Variants in ATAT1 observed in about 807,000 individuals in gnomAD.
The protein encoded by ATAT1 is alpha-tubulin N-acetyltransferase 1.
A neutral mutation model predicts 57.2 loss-of-function variants in ATAT1; 42 were observed. The observed-to-expected ratio is 0.73, with a 90% CI of 0.57 to 0.95. ATAT1 has a LOEUF of 0.95. Among genes scored for constraint, ATAT1 ranks in the 40% least tolerant of loss-of-function variants. ATAT1 has a pLI of 0.00. For missense variants in ATAT1, 454 were observed against 523.7 expected, an observed-to-expected ratio of 0.87 and a Z score of 1.30; for synonymous variants, 168 against 187.1, an observed-to-expected ratio of 0.90 and a Z score of 0.83.
Position 30,646,504 on chromosome 6 carries a change from G to A in ATAT1, c.1091G>A (p.Gly364Glu). 6 of 1,598,784 alleles carry A rather than the reference G, an allele frequency of 3.8e-6. No homozygotes were observed. The highest frequency in any genetic ancestry group is 5.1e-6 in the Non-Finnish European group (6 of 1,173,176). The change falls in exon 13 of 13, where the codon GGG becomes GAG. Residue 364 changes from glycine (G) to glutamate (E), a missense_variant. Physicochemically the swap from Gly to Glu is moderately conservative, Grantham distance 98 (BLOSUM62 -2). Coordinates refer to ENST00000330083, the MANE Select transcript of ATAT1 (RefSeq NM_001031722.4). Reference sequence around the variant, plus strand: ...GAGGAGCAGGCCTTGTCACAGGATGGGTCTGGGGAGAAGCCCATGCACACA... The same window carrying A: ...GAGGAGCAGGCCTTGTCACAGGATGAGTCTGGGGAGAAGCCCATGCACACA...
At chr6:30,637,268 C>A (rs1028769249) in intron 6 of ATAT1, among the ~76,000 whole-genome samples, 1 of 152,046 alleles carries the variant, frequency 6.6e-6, no homozygotes, top group African/African-American at 2.4e-5. Flanking sequence ...ATTATTAAAC[C>A]TATTTTGGGT....
chr6:30,632,235 C>G (rs1763046440), intron 6 of ATAT1, among the ~76,000 whole-genome samples: 1 of 146,912 alleles, frequency 6.8e-6, no homozygotes, highest in Admixed American at 6.9e-5. Context: ...TACCACTGCA[C>G]TCCTGCCTGG....
In ATAT1 at chr6:30,643,745, G is replaced by A. The variant is rs906286255; in HGVS notation, c.932+734G>A. The A allele has an allele frequency of 6.6e-6, 9 of 1,368,434 alleles. No homozygotes were observed. The African/African-American group carries it at 1.3e-4, about 20-fold the overall frequency. The allele number at this position is 1,368,434 out of a possible 1,614,324, so 84.8% of individuals were successfully genotyped here. On this transcript the variant is annotated intron_variant, in intron 10 of 12. Transcript: ENST00000330083. ...AGGGTCTCAAACTGCCTAACACTTT[G>A]TAGCTTTTCTTAACACAAAAGCACC... is the stretch of plus-strand genomic sequence containing the variant.
Position 30,642,833 on chromosome 6 carries a change from G to GGGCCCCCCCCCCCCCCCCCCCCCCCC in ATAT1, c.754_755insGGCCCCCCCCCCCCCCCCCCCCCCCC (p.Ala252GlyfsTer76). On this transcript the variant is annotated frameshift_variant, in exon 10 of 13. Transcript: ENST00000330083. LOFTEE classifies it high-confidence loss of function. ...GGCCCCTCGCCGCGCCACACCTCCA[G>GGGCCCCCCCCCCCCCCCCCCCCCCCC]CCCACCCACCCCCCCGCTCCAGCAG... 1 of 1,537,876 alleles carries GGGCCCCCCCCCCCCCCCCCCCCCCCC rather than the reference G, an allele frequency of 6.5e-7. No individual in the cohort carries two copies. The highest frequency in any genetic ancestry group is 2.4e-5 in the East Asian group (1 of 42,460).
At chr6:30,640,272 A>G in intron 6 of ATAT1, 105 bp from the exon 7 acceptor site, 1 of 1,253,364 alleles carries the variant, frequency 8.0e-7, no homozygotes, top group East Asian at 2.4e-5. Context: ...GTGTAAGTAC[A>G]CTCTGTGATG....
chr6:30,641,578 G>A (rs1371372513), intron 8 of ATAT1, among the ~76,000 whole-genome samples: 1 of 152,114 alleles, frequency 6.6e-6, no homozygotes, highest in Non-Finnish European at 1.5e-5. Context: ...GGGGGAGGCT[G>A]AACTTTGGAC....
intron 1 of ATAT1, 66 bp from the exon 2 acceptor site, chr6:30,627,394 G>A (rs1761908021): frequency 1.2e-6 from 2 of 1,601,904 alleles, no homozygotes; most frequent in South Asian, 1.1e-5. Flanking sequence ...CAGGTTCCCA[G>A]GACTGACTGC....
At chr6:30,640,689 C>T (rs1344008319) in intron 8 of ATAT1, 86 bp downstream of exon 8, 1 of 1,514,128 alleles carries the variant, frequency 6.6e-7, no homozygotes, top group African/African-American at 1.4e-5. Flanking sequence ...CATCTGTGGG[C>T]AATTTTGGAA....
At chr6:30,641,844 AG>A (rs1765517924) in intron 8 of ATAT1, 2 of 1,122,762 alleles carry the variant, frequency 1.8e-6, no homozygotes, top group Admixed American at 4.4e-5. Context: ...CCAGAATACC[AG>A]GGGGCCATGA....
At chr6:30,646,032 C>T (rs1358955036) in intron 11 of ATAT1, 35 bp from the exon 12 acceptor site, 2 of 1,608,770 alleles carry the variant, frequency 1.2e-6, no homozygotes, top group Non-Finnish European at 8.5e-7. Flanking sequence ...CTGTCTACTC[C>T]TGCCTTCCCA....
At chr6:30,637,765 C>G (rs1004571492) in intron 6 of ATAT1, among the ~76,000 whole-genome samples, 9 of 151,300 alleles carry the variant, frequency 5.9e-5, no homozygotes, top group Non-Finnish European at 5.9e-5. Context: ...ATCACGAGGT[C>G]AAGAGATCAA....
At chr6:30,635,248 G>C (rs1436474475) in intron 6 of ATAT1, among the ~76,000 whole-genome samples, 1 of 152,156 alleles carries the variant, frequency 6.6e-6, no homozygotes, top group Non-Finnish European at 1.5e-5. Context: ...GCAACAAAAA[G>C]AAGTTAAGGA....
chr6:30,641,837 G>A (rs933749754), intron 8 of ATAT1: 3 of 1,114,008 alleles, frequency 2.7e-6, no homozygotes, highest in Non-Finnish European at 3.3e-6. Flanking sequence ...CACTGCCCCA[G>A]AATACCAGGG....
At chr6:30,638,002 C>T (rs1764513319) in intron 6 of ATAT1, among the ~76,000 whole-genome samples, 1 of 152,058 alleles carries the variant, frequency 6.6e-6, no homozygotes, top group African/African-American at 2.4e-5. Context: ...CTCAACCTCC[C>T]AAGTAGTTGG....
chr6:30,633,088 A>G (rs1246894445), intron 6 of ATAT1, among the ~76,000 whole-genome samples: 12 of 152,174 alleles, frequency 7.9e-5, no homozygotes, highest in Non-Finnish European at 7.4e-5. Context: ...CAAATTTTAA[A>G]TATTTTGAAG....
At chr6:30,632,639 T>C (rs1173640186) in intron 6 of ATAT1, among the ~76,000 whole-genome samples, 1 of 151,628 alleles carries the variant, frequency 6.6e-6, no homozygotes, top group Non-Finnish European at 1.5e-5. Flanking sequence ...TCACTTTGGC[T>C]GTTAAGAACA....
At chr6:30,632,778 G>GA (rs1214479221) in intron 6 of ATAT1, among the ~76,000 whole-genome samples, 2 of 148,428 alleles carry the variant, frequency 1.3e-5, no homozygotes, top group Non-Finnish European at 3.0e-5. Flanking sequence ...ACTAAAAATA[G>GA]AAAAAAAAAT....
At chr6:30,643,610 C>CCT in intron 10 of ATAT1, 1 of 1,550,484 alleles carries the variant, frequency 6.4e-7, no homozygotes, top group South Asian at 1.2e-5. Flanking sequence ...GCAGGGAACC[C>CCT]CTCCCTGAGA....
In ATAT1 at chr6:30,627,913, T is replaced by G; in HGVS notation, c.285+2T>G. On this transcript the variant is annotated splice_donor_variant, in intron 4 of 12. Coordinates refer to ENST00000330083, the MANE Select transcript of ATAT1 (RefSeq NM_001031722.4). LOFTEE classifies it high-confidence loss of function. Reference sequence around the variant, plus strand: ...GGATACAAGAAGCTCTTTGTACTGGTGAGTGTTATTGGATGCTAGGAGTTC... The same window carrying G: ...GGATACAAGAAGCTCTTTGTACTGGGGAGTGTTATTGGATGCTAGGAGTTC... 1 of 1,612,912 alleles carries G rather than the reference T, an allele frequency of 6.2e-7. No individual in the cohort carries two copies. Among genetic ancestry groups the G allele is most frequent in the Non-Finnish European group, 8.5e-7 (1 of 1,179,922 alleles).
Sources: allele counts gnomAD v4.1 joint callset (sites outside exome capture counted in the v4.1 genomes callset), GRCh38; gene constraint gnomAD v4.1.1; transcripts MANE v1.5; gene names NCBI Gene and HGNC (gene_info 2026-07-23, HGNC 2026-07-21).